Variants in COL11A1 observed in about 807,000 individuals in gnomAD.
COL11A1 encodes collagen type XI alpha 1 chain.
Under a neutral mutation model 265.2 loss-of-function variants are expected in COL11A1, and 74 were observed. The ratio of observed to expected loss-of-function variants is 0.28; its 90% CI spans 0.23 to 0.34. The LOEUF (loss-of-function observed/expected upper bound fraction) is 0.34, where lower values mean the gene tolerates loss of function less well. Among genes scored for constraint, COL11A1 ranks in the 10% least tolerant of loss-of-function variants. The pLI is 1.00. For synonymous variants in COL11A1, 816 were observed against 727.6 expected (o/e 1.12, Z -1.96); for missense variants, 2,165 against 2,263.6 (o/e 0.96, Z 0.88).
intron 31 of COL11A1, 27 bp from the exon 32 acceptor site, chr1:102,979,462 T>A: frequency 1.4e-6 from 2 of 1,480,996 alleles, no homozygotes; most frequent in Non-Finnish European, 1.9e-6. Context: ...AAATAATGAA[T>A]AAACATGGCA....
At position 103,031,248 on chromosome 1, in the gene COL11A1, GGA is replaced by G; in HGVS notation, c.652-6_652-5del. On this transcript the variant is annotated splice_polypyrimidine_tract_variant and splice_region_variant and intron_variant, in intron 4 of 66. Transcript: ENST00000370096. The stretch of plus-strand genomic sequence containing the variant: ...TCAAAAACTGCTGAATGTCCCCCTG[GGA>G]AAAAAAAAAAAACAAAAACAAACAG... 1.4e-6 allele frequency: 2 copies of G among 1,476,132 alleles called. No individual in the cohort carries two copies. Among genetic ancestry groups the G allele is most frequent in the Non-Finnish European group, 9.0e-7 (1 of 1,116,314 alleles). 91.4% of individuals were successfully genotyped at this position (1,476,132 alleles called of 1,614,324 possible).
chr1:102,888,569 A>G lies in COL11A1; in HGVS notation c.4608+8T>C, dbSNP rs1651314955. 6.2e-7 allele frequency: 1 copy of G among 1,611,538 alleles called. No individual in the cohort carries two copies. The highest frequency in any genetic ancestry group is 2.2e-5 in the East Asian group (1 of 44,826). ...GTCAGAACATCACTCTTGTTAACAT[A>G]TACTTACTGGAGACCCAGGAGGCCC... On this transcript the variant is annotated splice_region_variant and intron_variant, in intron 62 of 66. Transcript: ENST00000370096.
intron 1 of COL11A1, among the ~76,000 whole-genome samples, chr1:103,107,689 G>A (rs961106799): frequency 1.3e-5 from 2 of 152,110 alleles, no homozygotes; most frequent in African/African-American, 4.8e-5. Context: ...AGAATCTGAA[G>A]AAACCAGATG....
At chr1:102,987,192 T>C (rs779815782) in intron 30 of COL11A1, among the ~76,000 whole-genome samples, 2 of 152,010 alleles carry the variant, frequency 1.3e-5, no homozygotes, top group Non-Finnish European at 2.9e-5. Flanking sequence ...ATTATACCTC[T>C]TAGGAGTATT....
At chr1:103,008,369 C>CAAA in intron 15 of COL11A1, 94 bp downstream of exon 15, 1 of 953,274 alleles carries the variant, frequency 1.0e-6, no homozygotes, top group Non-Finnish European at 1.6e-6. Flanking sequence ...TACTCAGGAA[C>CAAA]AAAAAAAAAA....
chr1:102,884,772 G>A (rs966955219), intron 63 of COL11A1, among the ~76,000 whole-genome samples: 2 of 152,098 alleles, frequency 1.3e-5, no homozygotes, highest in Non-Finnish European at 2.9e-5. Flanking sequence ...CAAGTCAAAG[G>A]TCAAACCATG....
intron 2 of COL11A1, among the ~76,000 whole-genome samples, chr1:103,080,154 T>C (rs1672290911): frequency 6.6e-6 from 1 of 151,900 alleles, no homozygotes. Context: ...AAGTGGAAAT[T>C]ATTAAAACAT....
chr1:102,921,467 A>G (rs748280427), intron 48 of COL11A1, 51 bp downstream of exon 48: 2 of 1,402,602 alleles, frequency 1.4e-6, no homozygotes, highest in African/African-American at 1.4e-5. Context: ...CTATAAAATA[A>G]CAATACCTAT....
chr1:102,924,068 AAAATT>A (rs1235601841), intron 46 of COL11A1, among the ~76,000 whole-genome samples: 2 of 151,302 alleles, frequency 1.3e-5, no homozygotes, highest in Non-Finnish European at 2.9e-5. Context: ...AAAAAAAAAA[AAAATT>A]AGCCGGGCGT....
intron 21 of COL11A1, 139 bp downstream of exon 21, chr1:103,003,076 A>C: frequency 1.1e-6 from 1 of 878,986 alleles, no homozygotes; most frequent in Non-Finnish European, 1.9e-6. Flanking sequence ...GATGAGTTAA[A>C]GTGAAAGGCA....
At chr1:102,987,259 T>TAC (rs1308627831) in intron 30 of COL11A1, among the ~76,000 whole-genome samples, 1 of 151,578 alleles carries the variant, frequency 6.6e-6, no homozygotes, top group Non-Finnish European at 1.5e-5. Context: ...GTAGGATATA[T>TAC]ATATATATGT....
At chr1:102,958,221 T>G (rs1660557652) in intron 41 of COL11A1, among the ~76,000 whole-genome samples, 1 of 152,120 alleles carries the variant, frequency 6.6e-6, no homozygotes, top group Non-Finnish European at 1.5e-5. Context: ...TCTCACCAAC[T>G]GATCAAATAC....
chr1:103,007,770 G>A (rs1278113982), intron 15 of COL11A1, among the ~76,000 whole-genome samples: 2 of 151,138 alleles, frequency 1.3e-5, no homozygotes, highest in African/African-American at 4.9e-5. Flanking sequence ...TAAAGTAGGA[G>A]GATCCTTTGA....
intron 4 of COL11A1, among the ~76,000 whole-genome samples, chr1:103,045,706 G>A (rs1669196791): frequency 6.6e-6 from 1 of 151,974 alleles, no homozygotes; most frequent in Admixed American, 6.6e-5. Flanking sequence ...CCATATTGGT[G>A]TGCTGCACCC....
intron 9 of COL11A1, among the ~76,000 whole-genome samples, chr1:103,020,989 T>C (rs2101933643): frequency 6.9e-6 from 1 of 144,262 alleles, no homozygotes; most frequent in Middle Eastern, 3.7e-3. Context: ...ACAACTATCT[T>C]TTTATTCTTT....
At chr1:102,950,342 C>G (rs1659756361) in intron 41 of COL11A1, among the ~76,000 whole-genome samples, 1 of 151,404 alleles carries the variant, frequency 6.6e-6, no homozygotes, top group Non-Finnish European at 1.5e-5. Context: ...TTGTAATTTT[C>G]AACAACAAAG....
At chr1:103,064,495 G>A (rs1670922950) in intron 4 of COL11A1, among the ~76,000 whole-genome samples, 1 of 151,586 alleles carries the variant, frequency 6.6e-6, no homozygotes, top group African/African-American at 2.4e-5. Flanking sequence ...CAAGACCATC[G>A]TGGCTAACAC....
chr1:103,096,209 A>G (rs149760271), intron 1 of COL11A1, among the ~76,000 whole-genome samples: 3 of 151,936 alleles, frequency 2.0e-5, no homozygotes, highest in Non-Finnish European at 4.4e-5. Context: ...CTCTAGGCTC[A>G]CTCGAGTGGA....
chr1:103,008,397 C>T, intron 15 of COL11A1, 66 bp downstream of exon 15: 3 of 1,338,376 alleles, frequency 2.2e-6, no homozygotes, highest in Non-Finnish European at 3.2e-6. Flanking sequence ...TTGATGCATT[C>T]TCGAAGGAAT....
Sources: allele counts gnomAD v4.1 joint callset (sites outside exome capture counted in the v4.1 genomes callset), GRCh38; gene constraint gnomAD v4.1.1; transcripts MANE v1.5; gene names NCBI Gene and HGNC (gene_info 2026-07-23, HGNC 2026-07-21).